The following VSTM2B variants were observed in gnomAD, a reference collection of about 807,000 sequenced individuals.
VSTM2B encodes V-set and transmembrane domain-containing protein 2B.
A neutral mutation model predicts 24.0 loss-of-function variants in VSTM2B; 24 were observed. The observed-to-expected ratio is 1.00, with a 90% CI of 0.72 to 1.40. VSTM2B has a LOEUF of 1.40. VSTM2B is among the 40% of genes most tolerant of loss of function. The pLI is 0.00. For missense variants in VSTM2B, 399 were observed against 416.4 expected (o/e 0.96, Z 0.36); for synonymous variants, 226 against 194.4 (o/e 1.16, Z -1.35).
intron 4 of VSTM2B, among the ~76,000 whole-genome samples, chr19:29,548,144 C>T (rs925962278): frequency 3.9e-5 from 6 of 152,054 alleles, no homozygotes; most frequent in African/African-American, 1.4e-4. Flanking sequence ...AGGCGGGGAA[C>T]AGGCAGTCCA....
At chr19:29,560,981 C>A (rs1486445833) in intron 4 of VSTM2B, among the ~76,000 whole-genome samples, 1 of 152,180 alleles carries the variant, frequency 6.6e-6, no homozygotes, top group Non-Finnish European at 1.5e-5. Flanking sequence ...GTCTCACCTG[C>A]ACCTGCCTTC....
At chr19:29,541,165 T>C (rs1970010706) in intron 4 of VSTM2B, among the ~76,000 whole-genome samples, 1 of 152,168 alleles carries the variant, frequency 6.6e-6, no homozygotes, top group Admixed American at 6.5e-5. Context: ...TTTGAAGAGA[T>C]CAGGAAGCTT....
intron 4 of VSTM2B, among the ~76,000 whole-genome samples, chr19:29,555,561 G>A (rs1251726398): frequency 6.6e-6 from 1 of 152,058 alleles, no homozygotes; most frequent in Non-Finnish European, 1.5e-5. Context: ...ACCAAGATCA[G>A]AGTGGAACTA....
Position 29,544,548 on chromosome 19 carries a change from A to C in VSTM2B, c.769+14258A>C, listed in dbSNP as rs986810164. Among the ~76,000 whole-genome samples, 275 of 149,176 alleles carry C rather than the reference A, an allele frequency of 1.8e-3. 1 individual carries two copies. The highest frequency in any genetic ancestry group is 6.0e-3 in the African/African-American group (245 of 40,500). ...CTCAAAAAAAAAAAAAAAAAAAAAAAAAAAAAAACTGAATGTGCCATAATA... is the reference window on the plus strand; with the variant it reads ...CTCAAAAAAAAAAAAAAAAAAAAAACAAAAAAAACTGAATGTGCCATAATA... On this transcript the variant is annotated intron_variant, in intron 4 of 4. Coordinates refer to ENST00000335523, the MANE Select transcript of VSTM2B (RefSeq NM_001146339.2).
intron 4 of VSTM2B, among the ~76,000 whole-genome samples, chr19:29,533,404 T>A (rs1441994486): frequency 6.6e-6 from 1 of 152,176 alleles, no homozygotes; most frequent in East Asian, 1.9e-4. Context: ...TGCCAGCTCC[T>A]GAACTGGCCA....
At position 29,526,039 on chromosome 19, in the gene VSTM2B, G is replaced by A. The variant is rs1239302888; in HGVS notation, c.-545G>A. Among the ~76,000 whole-genome samples, 1 of 151,874 alleles carries A rather than the reference G, an allele frequency of 6.6e-6. No individual in the cohort carries two copies. Among genetic ancestry groups the A allele is most frequent in the Admixed American group, 6.6e-5 (1 of 15,266 alleles). On this transcript the variant is annotated 5_prime_UTR_variant, in exon 1 of 5. Coordinates refer to ENST00000335523, the MANE Select transcript of VSTM2B (RefSeq NM_001146339.2). The surrounding 1 kb of genome is among the most constrained non-coding windows in gnomAD (Gnocchi z 4.1). ...CCGCCACGCCGGACCCGCTCTCCCCGCGCTGCGCTGGGTCGGACGCCAGGT... is the reference window on the plus strand; with the variant it reads ...CCGCCACGCCGGACCCGCTCTCCCCACGCTGCGCTGGGTCGGACGCCAGGT...
At chr19:29,553,524 C>G (rs1410242677) in intron 4 of VSTM2B, among the ~76,000 whole-genome samples, 2 of 152,208 alleles carry the variant, frequency 1.3e-5, no homozygotes, top group African/African-American at 4.8e-5. Flanking sequence ...ACACTGAAAA[C>G]TCAGAACGCC....
At chr19:29,560,322 G>A (rs1036096838) in intron 4 of VSTM2B, among the ~76,000 whole-genome samples, 2 of 152,094 alleles carry the variant, frequency 1.3e-5, no homozygotes, top group Non-Finnish European at 2.9e-5. Flanking sequence ...TGCCCAGTGA[G>A]ACATGCCATG....
chr19:29,556,511 A>G (rs1023371820), intron 4 of VSTM2B, among the ~76,000 whole-genome samples: 1 of 152,230 alleles, frequency 6.6e-6, no homozygotes, highest in African/African-American at 2.4e-5. Context: ...CCTATTCACC[A>G]TAGTGTTGGA....
rs561651323 is a variant in VSTM2B, at chr19:29,553,726, G to A, written c.770-10120G>A. On this transcript the variant is annotated intron_variant, in intron 4 of 4. Transcript: ENST00000335523. ...AGAATAACCAGTTTAGAGAGGAACC[G>A]AAATGACCTGATGGAGCTGAGAAAC... Among the ~76,000 whole-genome samples, 15 of 152,262 alleles carry A rather than the reference G, an allele frequency of 9.9e-5. 1 individual carries two copies. The highest frequency in any genetic ancestry group is 3.4e-3 in the Middle Eastern group (1 of 294).
chr19:29,546,795 T>C (rs759444432), intron 4 of VSTM2B, among the ~76,000 whole-genome samples: 14 of 152,052 alleles, frequency 9.2e-5, no homozygotes, highest in Admixed American at 1.3e-4. Flanking sequence ...TAAAGGGCCA[T>C]TGGGGGCAAG....
In VSTM2B at chr19:29,540,172, C is replaced by T. The variant is rs547816361; in HGVS notation, c.769+9882C>T. On this transcript the variant is annotated intron_variant, in intron 4 of 4. Coordinates refer to ENST00000335523, the MANE Select transcript of VSTM2B (RefSeq NM_001146339.2). ...AGCTGACATCACATCAGGCTCAGTCCGAGTGGGGGGTGGGGATTCCTGGTC... is the reference window on the plus strand; with the variant it reads ...AGCTGACATCACATCAGGCTCAGTCTGAGTGGGGGGTGGGGATTCCTGGTC... 1.4e-4 allele frequency among the ~76,000 whole-genome samples: 22 copies of T among 152,318 alleles called. No individual in the cohort carries two copies. In the South Asian group the frequency reaches 4.6e-3, roughly 32 times the overall value.
intron 4 of VSTM2B, among the ~76,000 whole-genome samples, chr19:29,550,730 C>T (rs554370442): frequency 6.6e-6 from 1 of 152,188 alleles, no homozygotes; most frequent in East Asian, 1.9e-4. Flanking sequence ...TGAGCCTCCA[C>T]TTAGCCAGGC....
chr19:29,538,006 A>G (rs1969932821), intron 4 of VSTM2B, among the ~76,000 whole-genome samples: 1 of 152,200 alleles, frequency 6.6e-6, no homozygotes, highest in African/African-American at 2.4e-5. Context: ...ACTTCCAACC[A>G]TCGCATTCTC....
chr19:29,556,413 C>A (rs28839578), intron 4 of VSTM2B, among the ~76,000 whole-genome samples: 8,591 of 152,248 alleles, frequency 0.056, 434 homozygotes, highest in African/African-American at 0.13. Flanking sequence ...TTATGACAAA[C>A]CTACAGCCAA....
At chr19:29,530,328 G>T in intron 4 of VSTM2B, 38 bp downstream of exon 4, 1 of 1,467,984 alleles carries the variant, frequency 6.8e-7, no homozygotes, top group South Asian at 1.3e-5. Context: ...GCGCGGGGAT[G>T]GCGCAGGGCT....
In VSTM2B at chr19:29,559,988, C is replaced by T. The variant is rs150741669; in HGVS notation, c.770-3858C>T. On this transcript the variant is annotated intron_variant, in intron 4 of 4. Coordinates refer to ENST00000335523, the MANE Select transcript of VSTM2B (RefSeq NM_001146339.2). ...TCATTCATGTGTCTATGATCGGCTG[C>T]TAATTCAATTGAGGCCATGTTGGTC... Among the ~76,000 whole-genome samples, 531 of 152,226 alleles carry T rather than the reference C, an allele frequency of 3.5e-3. 2 individuals carry two copies. The highest frequency in any genetic ancestry group is 0.013 in the African/African-American group (522 of 41,530).
At chr19:29,539,018 G>T (rs141110089) in intron 4 of VSTM2B, among the ~76,000 whole-genome samples, 61 of 152,222 alleles carry the variant, frequency 4.0e-4, no homozygotes, top group Non-Finnish European at 7.1e-4. Flanking sequence ...GGCTCGGAGA[G>T]TTGCTGTTTT....
intron 4 of VSTM2B, among the ~76,000 whole-genome samples, chr19:29,559,145 A>T (rs1158894182): frequency 6.6e-6 from 1 of 152,258 alleles, no homozygotes; most frequent in Non-Finnish European, 1.5e-5. Context: ...TCATTCTACT[A>T]TAAAGACACA....
Sources: allele counts gnomAD v4.1 joint callset (sites outside exome capture counted in the v4.1 genomes callset), GRCh38; gene constraint gnomAD v4.1.1; non-coding constraint Gnocchi (gnomAD v3.1); transcripts MANE v1.5; gene names NCBI Gene and HGNC (gene_info 2026-07-23, HGNC 2026-07-21).